The following SCN3A variants were observed in gnomAD, a reference collection of about 807,000 sequenced individuals.
SCN3A encodes sodium channel protein type 3 subunit alpha.
A neutral mutation model predicts 187.6 loss-of-function variants in SCN3A; 60 were observed. That is an observed-to-expected ratio of 0.32 (90% CI 0.26 to 0.40). The LOEUF is 0.40. Among genes scored for constraint, SCN3A ranks in the 10% least tolerant of loss-of-function variants. The pLI is 1.00. For missense variants in SCN3A, 1,601 were observed against 2,428.2 expected (o/e 0.66, Z 7.16); for synonymous variants, 788 against 829.2 (o/e 0.95, Z 0.85).
At chr2:165,179,803 C>T (rs1270575177) in intron 2 of SCN3A, 4 of 152,292 alleles carry the variant, frequency 2.6e-5, no homozygotes, top group African/African-American at 9.6e-5. Flanking sequence ...GGAAATCCCT[C>T]ATAGTTCTTT....
At position 165,176,102 on chromosome 2, in the gene SCN3A, T is replaced by C. The variant is rs368746821; in HGVS notation, c.264+29A>G. Reference sequence around the variant, plus strand: ...TTACAGTTAAGAGTTTCATTAAAGATTTATTAGAAGTCTAAAATCAATACT... The same window carrying C: ...TTACAGTTAAGAGTTTCATTAAAGACTTATTAGAAGTCTAAAATCAATACT... On this transcript the variant is annotated intron_variant, in intron 3 of 27. Coordinates refer to ENST00000283254, the MANE Select transcript of SCN3A (RefSeq NM_006922.4). The C allele has an allele frequency of 2.5e-6, 4 of 1,605,664 alleles. No homozygotes were observed. In the African/African-American group the frequency reaches 5.4e-5, roughly 21 times the overall value.
Position 165,094,987 on chromosome 2 carries a change from C to G in SCN3A, c.4432-509G>C, listed in dbSNP as rs1395732257. On this transcript the variant is annotated intron_variant, in intron 25 of 27. Coordinates refer to ENST00000283254, the MANE Select transcript of SCN3A (RefSeq NM_006922.4). ...AGAGGCAACAATGAATTCAGAGACT[C>G]AGAGACAAGCTGTTACATAGCTTAC... Among the ~76,000 whole-genome samples the G allele has an allele frequency of 2.0e-5, 3 of 152,020 alleles. No individual in the cohort carries two copies. In the South Asian group the frequency reaches 6.2e-4, roughly 31 times the overall value.
intron 14 of SCN3A, 147 bp downstream of exon 14, chr2:165,139,329 G>T: frequency 9.1e-7 from 1 of 1,095,594 alleles, no homozygotes; most frequent in Non-Finnish European, 1.3e-6. Context: ...TGTAATCAAT[G>T]TGATAATGTA....
chr2:165,190,107 T>A lies in SCN3A; in HGVS notation c.-247-3360A>T, dbSNP rs1458322443. On this transcript the variant is annotated intron_variant, in intron 1 of 27. Transcript: ENST00000283254. ...TCTGTGATGAGGTAACAGTCTCAAT[T>A]ACCATCTGCTCACTTGGTTTTAAGA... Among the ~76,000 whole-genome samples, 3 of 152,184 alleles carry A rather than the reference T, an allele frequency of 2.0e-5. No homozygotes were observed. In the East Asian group the frequency reaches 5.8e-4, roughly 29 times the overall value.
At chr2:165,181,935 G>A (rs1431402201) in intron 2 of SCN3A, among the ~76,000 whole-genome samples, 1 of 152,168 alleles carries the variant, frequency 6.6e-6, no homozygotes, top group Non-Finnish European at 1.5e-5. Flanking sequence ...TGCTTCATCA[G>A]AGATGTATTA....
chr2:165,119,060 C>T (rs965440510), intron 18 of SCN3A, among the ~76,000 whole-genome samples: 1 of 152,304 alleles, frequency 6.6e-6, no homozygotes, highest in African/African-American at 2.4e-5. Flanking sequence ...CCGTGCCTGG[C>T]CCACCTGGAT....
Position 165,094,759 on chromosome 2 carries a change from AC to A in SCN3A, c.4432-282del, listed in dbSNP as rs1187013829. 2.0e-5 allele frequency among the ~76,000 whole-genome samples: 3 copies of A among 152,172 alleles called. No individual in the cohort carries two copies. In the East Asian group the frequency reaches 5.8e-4, roughly 29 times the overall value. On this transcript the variant is annotated intron_variant, in intron 25 of 27. Coordinates refer to ENST00000283254, the MANE Select transcript of SCN3A (RefSeq NM_006922.4). Reference sequence around the variant, plus strand: ...CAAATATATTTTTGCAAAACAGAAAACATTTTCTTAGTCCATTTCACTGCCG... The same window carrying A: ...CAAATATATTTTTGCAAAACAGAAAAATTTTCTTAGTCCATTTCACTGCCG...
At chr2:165,152,329 GAC>G (rs1491282571) in intron 11 of SCN3A, among the ~76,000 whole-genome samples, 9 of 152,226 alleles carry the variant, frequency 5.9e-5, no homozygotes, top group African/African-American at 2.2e-4. Flanking sequence ...ATATAAAAAA[GAC>G]ACAGATCAAG....
intron 9 of SCN3A, 121 bp from the exon 10 acceptor site, chr2:165,156,024 T>C (rs1212765675): frequency 2.5e-6 from 3 of 1,208,832 alleles, no homozygotes; most frequent in South Asian, 2.5e-5. Context: ...CTTGCTTTAA[T>C]TTCCAGAACA....
chr2:165,191,063 T>G (rs1574341331), intron 1 of SCN3A, among the ~76,000 whole-genome samples: 2 of 149,740 alleles, frequency 1.3e-5, no homozygotes, highest in South Asian at 2.1e-4. Context: ...TTACGTTGTT[T>G]TTTTTTTTTT....
At chr2:165,191,540 A>G (rs1691611890) in intron 1 of SCN3A, among the ~76,000 whole-genome samples, 1 of 152,090 alleles carries the variant, frequency 6.6e-6, no homozygotes, top group East Asian at 1.9e-4. Context: ...GGAAGCACAC[A>G]CAGACTATTC....
Position 165,090,032 on chromosome 2 carries a change from G to A in SCN3A, c.*118C>T, listed in dbSNP as rs1574086006. 1.4e-6 allele frequency: 2 copies of A among 1,416,420 alleles called. No homozygotes were observed. Among genetic ancestry groups the A allele is most frequent in the South Asian group, 1.3e-5 (1 of 77,008 alleles). The allele number at this position is 1,416,420 out of a possible 1,614,324, so 87.7% of individuals were successfully genotyped here. A position where few individuals can be genotyped will look rare whatever the true frequency, so the allele number is the denominator to read the frequency against. On this transcript the variant is annotated 3_prime_UTR_variant, in exon 28 of 28. Transcript: ENST00000283254. The surrounding 1 kb of genome is among the most constrained non-coding windows in gnomAD (Gnocchi z 4.0). ...ACTGTCTTGTATAGGCACTGACTAT[G>A]AGTATTTGTTAAAACAGTCAGTTTG...
chr2:165,203,072 A>C (rs148824485), intron 1 of SCN3A, among the ~76,000 whole-genome samples: 1 of 152,074 alleles, frequency 6.6e-6, no homozygotes, highest in East Asian at 1.9e-4. Flanking sequence ...GTAATTAATA[A>C]AAATAAACAG....
At chr2:165,176,522 T>A in intron 2 of SCN3A, 78 bp from the exon 3 acceptor site, 1 of 1,094,650 alleles carries the variant, frequency 9.1e-7, no homozygotes, top group Non-Finnish European at 1.4e-6. Flanking sequence ...AATGTCATTT[T>A]TTAGTAACTT....
At chr2:165,143,502 T>C (rs1406151951) in intron 12 of SCN3A, among the ~76,000 whole-genome samples, 1 of 152,184 alleles carries the variant, frequency 6.6e-6, no homozygotes, top group Non-Finnish European at 1.5e-5. Flanking sequence ...ATAATGGGTG[T>C]GAGCGCAGCT....
chr2:165,190,762 T>A (rs1051180901), intron 1 of SCN3A, among the ~76,000 whole-genome samples: 7 of 151,508 alleles, frequency 4.6e-5, no homozygotes, highest in African/African-American at 1.7e-4. Flanking sequence ...ATACTTAATT[T>A]TATAATAAAA....
intron 3 of SCN3A, among the ~76,000 whole-genome samples, chr2:165,172,150 C>T (rs1690146761): frequency 6.6e-6 from 1 of 152,098 alleles, no homozygotes. Context: ...TGGTGCCAAC[C>T]ATTACTTAAC....
chr2:165,203,078 AAC>A (rs1275854287), intron 1 of SCN3A, among the ~76,000 whole-genome samples: 5 of 151,936 alleles, frequency 3.3e-5, no homozygotes, highest in African/African-American at 1.2e-4. Context: ...AATAAAAATA[AAC>A]AGTTATTAAA....
intron 9 of SCN3A, among the ~76,000 whole-genome samples, chr2:165,158,445 CTT>C (rs1268103642): frequency 2.2e-5 from 3 of 136,364 alleles, no homozygotes; most frequent in Non-Finnish European, 4.5e-5. Context: ...AAGATTCACT[CTT>C]TGTGTTATAA....
Sources: gnomAD v4.1 joint callset for allele counts (sites outside exome capture counted in the v4.1 genomes callset) on GRCh38, gnomAD v4.1.1 for gene constraint, Gnocchi (gnomAD v3.1) non-coding constraint, MANE v1.5 for transcripts, NCBI Gene and HGNC (gene_info 2026-07-23, HGNC 2026-07-21) for gene names.